Variants in ESRRG observed in about 807,000 individuals in gnomAD.
The protein encoded by ESRRG is estrogen related receptor gamma.
In ESRRG, 13 loss-of-function variants were observed where a neutral mutation model predicts 44.0. That is an observed-to-expected ratio of 0.30 (90% CI 0.19 to 0.47). The LOEUF (loss-of-function observed/expected upper bound fraction) is 0.47, where lower values mean the gene tolerates loss of function less well. Ranked by LOEUF, ESRRG falls within the 20% of genes least tolerant of loss-of-function variation. The pLI is 1.00. For synonymous variants in ESRRG, 215 were observed against 214.6 expected, an observed-to-expected ratio of 1.00 and a Z score of -0.02; for missense variants, 395 against 580.6, an observed-to-expected ratio of 0.68 and a Z score of 3.29.
At chr1:217,097,973 G>A (rs545452324) in intron 1 of ESRRG, among the ~76,000 whole-genome samples, 32 of 152,090 alleles carry the variant, frequency 2.1e-4, no homozygotes, top group Non-Finnish European at 4.1e-4. Context: ...ATAGCAATTA[G>A]TCAAACATCT....
At chr1:216,882,671 T>C (rs2096463594) in intron 2 of ESRRG, among the ~76,000 whole-genome samples, 1 of 152,162 alleles carries the variant, frequency 6.6e-6, no homozygotes, top group Non-Finnish European at 1.5e-5. Flanking sequence ...ATAAACTTAA[T>C]ATCAATGCAG....
Position 216,677,386 on chromosome 1 carries a change from G to T in ESRRG, c.162C>A (p.Asn54Lys), listed in dbSNP as rs369791006. The T allele has an allele frequency of 1.9e-6, 3 of 1,614,056 alleles. No homozygotes were observed. The highest frequency in any genetic ancestry group is 1.3e-5 in the African/African-American group (1 of 74,922). Residue 54 changes from asparagine to lysine, a missense_variant, in exon 2 of 7, where the codon AAC (asparagine) becomes AAA (lysine). Around this residue, in one of 5 missense-constraint regions of ESRRG, gnomAD observed 148 missense variants for 150.4 expected, o/e 0.98. Coordinates refer to ENST00000408911, the MANE Select transcript of ESRRG (RefSeq NM_001438.4). ...SSPASLTDSV[N>K]HHSPGGSSDA... ...CTGAAGAGCCACCAGGGCTGTGGTG[G>T]TTGACGCTGTCCGTCAGGGAGGCTG...
chr1:216,830,223 C>A (rs575995416), intron 2 of ESRRG, among the ~76,000 whole-genome samples: 1 of 152,272 alleles, frequency 6.6e-6, no homozygotes, highest in South Asian at 2.1e-4. Context: ...GCCTCCACAT[C>A]GGTGACAAAT....
intron 5 of ESRRG, among the ~76,000 whole-genome samples, chr1:216,553,235 G>T (rs1409804913): frequency 6.6e-6 from 1 of 152,142 alleles, no homozygotes; most frequent in Non-Finnish European, 1.5e-5. Context: ...CAAACGTGCT[G>T]ACTGGTGGAG....
intron 1 of ESRRG, among the ~76,000 whole-genome samples, chr1:217,040,288 C>A (rs2083614862): frequency 6.6e-6 from 1 of 152,092 alleles, no homozygotes; most frequent in African/African-American, 2.4e-5. Context: ...AGTTCAAATT[C>A]TGTCTCTTCT....
At chr1:216,973,624 C>T (rs1038938518) in intron 1 of ESRRG, among the ~76,000 whole-genome samples, 1 of 151,964 alleles carries the variant, frequency 6.6e-6, no homozygotes, top group South Asian at 2.1e-4. Context: ...GTCGGGAGTT[C>T]GAGACCAGCC....
At position 216,568,028 on chromosome 1, in the gene ESRRG, T is replaced by C. The variant is rs749245099; in HGVS notation, c.660A>G (p.Pro220=). Residue 220 remains proline (P), a synonymous_variant, in exon 4 of 7, where the codon CCA becomes CCG. Transcript: ENST00000408911. Reference sequence around the variant, plus strand: ...GCTGAACCAGCTGAGGGTTCAGGTATGGGCTGTTCTCCGCATCTATCCTGC... The same window carrying C: ...GCTGAACCAGCTGAGGGTTCAGGTACGGGCTGTTCTCCGCATCTATCCTGC... ...YKRRIDAENS[P]YLNPQLVQPA... 6.8e-6 allele frequency: 11 copies of C among 1,613,764 alleles called. No individual in the cohort carries two copies. Among genetic ancestry groups the C allele is most frequent in the African/African-American group, 2.7e-5 (2 of 74,912 alleles).
At chr1:216,785,871 T>C (rs2094110405) in intron 2 of ESRRG, among the ~76,000 whole-genome samples, 1 of 152,080 alleles carries the variant, frequency 6.6e-6, no homozygotes, top group African/African-American at 2.4e-5. Flanking sequence ...ATTTAAAAAC[T>C]GTTTGTCAGC....
chr1:216,846,809 A>G (rs1408964614), intron 2 of ESRRG, among the ~76,000 whole-genome samples: 2 of 152,076 alleles, frequency 1.3e-5, no homozygotes, highest in Non-Finnish European at 2.9e-5. Flanking sequence ...TGAGGCCCAG[A>G]TAAAGCTGAA....
rs1039216792 is a variant in ESRRG at position 216,677,307 on chromosome 1, A to T, written c.241T>A (p.Ser81Thr). The change falls in exon 2 of 7, where the codon TCG becomes ACG. Residue 81 changes from serine to threonine, a missense_variant. Ser to Thr is a moderately conservative substitution (Grantham distance 58, BLOSUM62 1). This residue lies in a region of ESRRG where 148 missense variants were observed against 150.4 expected (regional missense o/e 0.98). Coordinates refer to ENST00000408911, the MANE Select transcript of ESRRG (RefSeq NM_001438.4). ...TMNGHQNGLD[S>T]PPLYPSAPIL... ...GGAGCAGAAGGGTAGAGAGGTGGCG[A>T]GTCAAGTCCGTTCTGATGGCCATTC... 2 of 1,614,144 alleles carry T rather than the reference A, an allele frequency of 1.2e-6. No individual in the cohort carries two copies. The highest frequency in any genetic ancestry group is 1.7e-6 in the Non-Finnish European group (2 of 1,180,036).
Position 217,070,604 on chromosome 1 carries a change from C to T in ESRRG, c.-106+18903G>A, listed in dbSNP as rs140384182. On this transcript the variant is annotated intron_variant, in intron 1 of 7. Coordinates refer to the ESRRG transcript ENST00000359162. ...CCACATTGGCCAGGTTGGTCTCGAACCCCTGACCTCAGGTTATCCACCCCA... is the reference window on the plus strand; with the variant it reads ...CCACATTGGCCAGGTTGGTCTCGAATCCCTGACCTCAGGTTATCCACCCCA... Among the ~76,000 whole-genome samples the T allele has an allele frequency of 4.7e-3, 720 of 152,316 alleles. 4 individuals are homozygous for T. The highest frequency in any genetic ancestry group is 0.016 in the African/African-American group (671 of 41,570).
chr1:216,972,574 G>A (rs552262529), intron 1 of ESRRG, among the ~76,000 whole-genome samples: 6 of 152,154 alleles, frequency 3.9e-5, no homozygotes, highest in African/African-American at 9.7e-5. Context: ...CTCATCAACG[G>A]ACTGTCTGGG....
At chr1:216,988,061 T>A (rs1220472926) in intron 1 of ESRRG, among the ~76,000 whole-genome samples, 3 of 152,132 alleles carry the variant, frequency 2.0e-5, no homozygotes, top group African/African-American at 7.2e-5. Context: ...ACCTCCCAGA[T>A]AAACTATATG....
intron 5 of ESRRG, among the ~76,000 whole-genome samples, chr1:216,546,657 C>A (rs1467511556): frequency 6.6e-6 from 1 of 151,374 alleles, no homozygotes; most frequent in Non-Finnish European, 1.5e-5. Flanking sequence ...ATTTTGTCAG[C>A]CTAAGTTTTG....
At chr1:217,050,578 C>T (rs893124476) in intron 1 of ESRRG, among the ~76,000 whole-genome samples, 1 of 152,090 alleles carries the variant, frequency 6.6e-6, no homozygotes, top group African/African-American at 2.4e-5. Context: ...GACAAAATGG[C>T]AATCTCCAAT....
At chr1:216,850,159 A>G (rs12095761) in intron 2 of ESRRG, among the ~76,000 whole-genome samples, 44,504 of 151,930 alleles carry the variant, frequency 0.29, 7,307 homozygotes, top group African/African-American at 0.44. Flanking sequence ...AAATGTAGAT[A>G]GCCAAACCAT....
At chr1:217,056,396 A>G (rs1349713739) in intron 1 of ESRRG, among the ~76,000 whole-genome samples, 1 of 152,186 alleles carries the variant, frequency 6.6e-6, no homozygotes, top group East Asian at 1.9e-4. Flanking sequence ...GTCTGGGTAT[A>G]AATAGAAACT....
At chr1:216,629,870 T>C (rs141456106) in intron 3 of ESRRG, among the ~76,000 whole-genome samples, 33 of 152,262 alleles carry the variant, frequency 2.2e-4, no homozygotes, top group African/African-American at 7.5e-4. Context: ...AAATGCCAGT[T>C]TACAATTCCT....
chr1:217,111,514 TG>T (rs1488862491), intron 1 of ESRRG, among the ~76,000 whole-genome samples: 1 of 152,200 alleles, frequency 6.6e-6, no homozygotes, highest in Admixed American at 6.5e-5. Context: ...TTCAAAACTA[TG>T]GGAACAATAT....
Sources: allele counts gnomAD v4.1 joint callset (sites outside exome capture counted in the v4.1 genomes callset), GRCh38; gene constraint gnomAD v4.1.1; regional missense constraint gnomAD v4.1.1; transcripts MANE v1.5; gene names NCBI Gene and HGNC (gene_info 2026-07-23, HGNC 2026-07-21).